TRMT61B: variants seen among roughly 807,000 people sequenced by gnomAD.
TRMT61B encodes the protein tRNA methyltransferase 61B, also known as tRNA (adenine(58)-N(1))-methyltransferase, mitochondrial.
TRMT61B carries 56 observed loss-of-function variants against 52.0 expected under a neutral mutation model. The observed-to-expected ratio is 1.08, with a 90% CI of 0.87 to 1.35. TRMT61B has a LOEUF of 1.35. Ranked by LOEUF, TRMT61B falls within the 40% of genes most tolerant of loss-of-function variation. TRMT61B has a pLI of 0.00. For synonymous variants in TRMT61B, 206 were observed against 220.0 expected (o/e 0.94, Z 0.56); for missense variants, 650 against 577.9 (o/e 1.12, Z -1.28).
Position 28,870,269 on chromosome 2 carries a change from C to T in TRMT61B, c.9G>A (p.Met3Ile), listed in dbSNP as rs766940327. The T allele has an allele frequency of 3.8e-6, 6 of 1,582,420 alleles. No homozygotes were observed. In the East Asian group the frequency reaches 9.0e-5, roughly 24 times the overall value. Residue 3 changes from methionine (M) to isoleucine (I), a missense_variant, in exon 1 of 7, where the codon ATG becomes ATA. Transcript: ENST00000306108. ...GCAAGACAGGACCGCGGCACCATGC[C>T]ATTAGCATAGTGTTTCGCGAAGGCG... is the stretch of plus-strand genomic sequence containing the variant. ML[M>I]AWCRGPVLLC...
chr2:28,866,698 A>C (rs144310266), intron 1 of TRMT61B, among the ~76,000 whole-genome samples: 65 of 152,340 alleles, frequency 4.3e-4, no homozygotes, highest in African/African-American at 1.5e-3. Context: ...AGACTATGCT[A>C]TTACTAGATT....
Position 28,850,378 on chromosome 2 carries a change from C to T in TRMT61B, c.1340G>A (p.Gly447Glu). The change falls in exon 6 of 7, where the codon GGA (glycine) becomes GAA (glutamate). Residue 447 changes from glycine to glutamate, a missense_variant. Physicochemically the swap from Gly to Glu is moderately conservative, Grantham distance 98 (BLOSUM62 -2). Coordinates refer to ENST00000306108, the MANE Select transcript of TRMT61B (RefSeq NM_017910.4). ...TGGTCTAGCAACATAGGGAAATGAT[C>T]CATATGGAAAATCAGAATGCGATTC... is the stretch of plus-strand genomic sequence containing the variant. ...HEESHSDFPY[G>E]SFPYVARPVH... 6.2e-7 allele frequency: 1 copy of T among 1,608,546 alleles called. No homozygotes were observed. The highest frequency in any genetic ancestry group is 8.5e-7 in the Non-Finnish European group (1 of 1,177,428).
intron 3 of TRMT61B, among the ~76,000 whole-genome samples, chr2:28,860,091 G>T (rs1669534122): frequency 6.6e-6 from 1 of 151,652 alleles, no homozygotes; most frequent in African/African-American, 2.4e-5. Context: ...GGCCAACATG[G>T]TGAAACCCCA....
In TRMT61B at chr2:28,850,091, G is replaced by A. The variant is rs1165896073; in HGVS notation, c.*108C>T. 6 of 1,200,330 alleles carry A rather than the reference G, an allele frequency of 5.0e-6. No individual in the cohort carries two copies. Among genetic ancestry groups the A allele is most frequent in the Non-Finnish European group, 6.0e-6 (5 of 832,668 alleles). 74.4% of individuals were successfully genotyped at this position (1,200,330 alleles called of 1,614,324 possible). On this transcript the variant is annotated 3_prime_UTR_variant, in exon 7 of 7. Coordinates refer to ENST00000306108, the MANE Select transcript of TRMT61B (RefSeq NM_017910.4). The stretch of plus-strand genomic sequence containing the variant: ...AAAATTATATGTATAAGTTATATAA[G>A]TCATAGTAATAGCTAAAAATGCCAA...
At position 28,870,054 on chromosome 2, in the gene TRMT61B, G is replaced by C. The variant is rs73920374; in HGVS notation, c.224C>G (p.Ser75Trp). ...ESCPSLPLSISDIGTGCLSSL... is the reference protein window; with the variant it reads ...ESCPSLPLSIWDIGTGCLSSL... Reference sequence around the variant, plus strand: ...CGAAAGACATCCAGTCCCAATGTCCGAGATGCTCAGAGGGAGAGATGGGCA... The same window carrying C: ...CGAAAGACATCCAGTCCCAATGTCCCAGATGCTCAGAGGGAGAGATGGGCA... Residue 75 changes from serine to tryptophan, a missense_variant, in exon 1 of 7, where the codon TCG becomes TGG. Physicochemically the swap from Ser to Trp is radical, Grantham distance 177 (BLOSUM62 -3). Coordinates refer to ENST00000306108, the MANE Select transcript of TRMT61B (RefSeq NM_017910.4). The C allele has an allele frequency of 6.2e-7, 1 of 1,613,690 alleles. No individual in the cohort carries two copies. The highest frequency in any genetic ancestry group is 8.5e-7 in the Non-Finnish European group (1 of 1,179,942).
chr2:28,870,072 G>A lies in TRMT61B; in HGVS notation c.206C>T (p.Ser69Phe). The change falls in exon 1 of 7, where the codon TCT (serine) becomes TTT (phenylalanine). Residue 69 changes from serine to phenylalanine, a missense_variant. Physicochemically the swap from Ser to Phe is radical, Grantham distance 155. Coordinates refer to ENST00000306108, the MANE Select transcript of TRMT61B (RefSeq NM_017910.4). Reference protein sequence around the residue: ...RKAPGAESCPSLPLSISDIGT... With the variant: ...RKAPGAESCPFLPLSISDIGT... Reference sequence around the variant, plus strand: ...AATGTCCGAGATGCTCAGAGGGAGAGATGGGCAAGACTCTGCTCCTGGGGC... The same window carrying A: ...AATGTCCGAGATGCTCAGAGGGAGAAATGGGCAAGACTCTGCTCCTGGGGC... 1.9e-6 allele frequency: 3 copies of A among 1,613,836 alleles called. No homozygotes were observed. The highest frequency in any genetic ancestry group is 2.5e-6 in the Non-Finnish European group (3 of 1,179,950).
chr2:28,858,667 C>G (rs936981792), intron 3 of TRMT61B, among the ~76,000 whole-genome samples: 1 of 150,686 alleles, frequency 6.6e-6, no homozygotes, highest in Non-Finnish European at 1.5e-5. Flanking sequence ...TGGTGGCGGG[C>G]GCCCGTAATC....
At chr2:28,850,525 CAT>C (rs1485849999) in intron 5 of TRMT61B, 120 bp from the exon 6 acceptor site, 9 of 670,074 alleles carry the variant, frequency 1.3e-5, no homozygotes, top group Non-Finnish European at 2.0e-5. Context: ...TATTTCCTTG[CAT>C]ATGTTTTAGA....
chr2:28,865,672 C>CTTT (rs70958219), intron 1 of TRMT61B, among the ~76,000 whole-genome samples: 4 of 80,070 alleles, frequency 5.0e-5, no homozygotes, highest in African/African-American at 1.0e-4. Context: ...GATGAATTTC[C>CTTT]TTTTTTTTTT....
chr2:28,858,314 A>G (rs1026062591), intron 3 of TRMT61B, among the ~76,000 whole-genome samples: 1 of 152,008 alleles, frequency 6.6e-6, no homozygotes, highest in Non-Finnish European at 1.5e-5. Flanking sequence ...TGCTGGGATT[A>G]CAGGTGTGAG....
intron 3 of TRMT61B, 147 bp from the exon 4 acceptor site, chr2:28,852,646 CACTCCCA>C: frequency 1.6e-6 from 1 of 616,408 alleles, no homozygotes; most frequent in Non-Finnish European, 2.9e-6. Context: ...ATCATTTTAC[CACTCCCA>C]AAAGGGTATG....
chr2:28,856,981 T>G (rs1056723807), intron 3 of TRMT61B, among the ~76,000 whole-genome samples: 1 of 152,058 alleles, frequency 6.6e-6, no homozygotes, highest in Non-Finnish European at 1.5e-5. Context: ...TCACCTAGGC[T>G]AAAGTGCAGT....
chr2:28,859,857 T>A (rs1669522673), intron 3 of TRMT61B, among the ~76,000 whole-genome samples: 1 of 152,286 alleles, frequency 6.6e-6, no homozygotes, highest in Admixed American at 6.5e-5. Context: ...TTCCCCCTTA[T>A]TGAGCTGTAA....
intron 2 of TRMT61B, among the ~76,000 whole-genome samples, chr2:28,863,566 T>C (rs1245342286): frequency 2.0e-5 from 3 of 152,234 alleles, no homozygotes; most frequent in Non-Finnish European, 4.4e-5. Context: ...CTTCTGATAC[T>C]ATATATTTTA....
chr2:28,859,555 C>A (rs1027483950), intron 3 of TRMT61B, among the ~76,000 whole-genome samples: 1 of 152,102 alleles, frequency 6.6e-6, no homozygotes, highest in Admixed American at 6.6e-5. Context: ...AACTATAATT[C>A]TTTGGTCCTA....
chr2:28,851,352 A>T lies in TRMT61B; in HGVS notation c.1086-54T>A, dbSNP rs968296960. The stretch of plus-strand genomic sequence containing the variant: ...CTACTAAAATAATAACATTATATTT[A>T]TTTAAGTTCCCTATACCTCTTGCCC... On this transcript the variant is annotated intron_variant, in intron 4 of 6. Coordinates refer to ENST00000306108, the MANE Select transcript of TRMT61B (RefSeq NM_017910.4). 4.8e-5 allele frequency: 60 copies of T among 1,255,246 alleles called. No individual in the cohort carries two copies. In the African/African-American group the frequency reaches 8.1e-4, roughly 17 times the overall value. 77.8% of individuals were successfully genotyped at this position (1,255,246 alleles called of 1,614,324 possible).
chr2:28,854,937 C>A (rs1279382317), intron 3 of TRMT61B, among the ~76,000 whole-genome samples: 2 of 151,650 alleles, frequency 1.3e-5, no homozygotes, highest in Non-Finnish European at 2.9e-5. Context: ...ACAAAATAAG[C>A]AGAGAAAGAG....
At chr2:28,864,571 C>T (rs1669746562) in intron 2 of TRMT61B, among the ~76,000 whole-genome samples, 1 of 151,988 alleles carries the variant, frequency 6.6e-6, no homozygotes. Flanking sequence ...ATAAAAGTCA[C>T]AATAGTGGTT....
chr2:28,858,536 T>C (rs1669445796), intron 3 of TRMT61B, among the ~76,000 whole-genome samples: 1 of 151,568 alleles, frequency 6.6e-6, no homozygotes, highest in African/African-American at 2.4e-5. Context: ...GGCTCACGCC[T>C]GTAATCCCAG....
Sources: gnomAD v4.1 joint callset for allele counts (sites outside exome capture counted in the v4.1 genomes callset) on GRCh38, gnomAD v4.1.1 for gene constraint, MANE v1.5 for transcripts, NCBI Gene and HGNC (gene_info 2026-07-23, HGNC 2026-07-21) for gene names.